ABCC3: variants seen among roughly 807,000 people sequenced by gnomAD.
The protein encoded by ABCC3 is ATP-binding cassette sub-family C member 3.
ABCC3 carries 121 observed loss-of-function variants against 165.3 expected under a neutral mutation model. The ratio of observed to expected loss-of-function variants is 0.73; its 90% CI spans 0.63 to 0.85. The LOEUF (loss-of-function observed/expected upper bound fraction) is 0.85. ABCC3 is among the 40% of genes least tolerant of loss of function. The pLI is 0.00. For missense variants in ABCC3, 1,869 were observed against 1,964.1 expected (o/e 0.95, Z 0.92); for synonymous variants, 733 against 810.1 (o/e 0.90, Z 1.62).
intron 8 of ABCC3, chr17:50,663,478 C>T (rs562875730): frequency 4.0e-5 from 24 of 605,728 alleles, no homozygotes; most frequent in African/African-American, 9.3e-5. Context: ...GGATAGAGAA[C>T]GAGGTGAAGG....
intron 1 of ABCC3, among the ~76,000 whole-genome samples, chr17:50,654,171 T>G (rs1401001884): frequency 6.6e-6 from 1 of 152,134 alleles, no homozygotes; most frequent in African/African-American, 2.4e-5. Flanking sequence ...ATAAAAATAA[T>G]AATTATTTGA....
chr17:50,646,248 C>T (rs947066392), intron 1 of ABCC3, among the ~76,000 whole-genome samples: 14 of 152,068 alleles, frequency 9.2e-5, no homozygotes, highest in African/African-American at 3.4e-4. Flanking sequence ...GAGAGAAGAG[C>T]AAGTGCAAAG....
chr17:50,689,610 G>A (rs997708580), intron 30 of ABCC3, among the ~76,000 whole-genome samples: 3 of 152,222 alleles, frequency 2.0e-5, no homozygotes, highest in Non-Finnish European at 4.4e-5. Context: ...AGGGCAATGG[G>A]TCAGACCTTG....
At chr17:50,673,960 C>G (rs1967717029) in intron 19 of ABCC3, among the ~76,000 whole-genome samples, 2 of 21,360 alleles carry the variant, frequency 9.4e-5, no homozygotes, top group South Asian at 3.5e-3. Context: ...TTCTTTCTTT[C>G]TTTCTTTCTT....
chr17:50,642,712 C>T (rs1297092253), intron 1 of ABCC3, among the ~76,000 whole-genome samples: 2 of 152,216 alleles, frequency 1.3e-5, no homozygotes, highest in Non-Finnish European at 2.9e-5. Context: ...CCTGGATTCT[C>T]CGCATCGGGG....
In ABCC3 at chr17:50,667,771, C is replaced by T. The variant is rs761327341; in HGVS notation, c.1635+14C>T. ...AGCCCCTTCCTGGTGAGGCTTGGCACAGGGCTGGGTCCCTGCCTCCAGGGC... is the reference window on the plus strand; with the variant it reads ...AGCCCCTTCCTGGTGAGGCTTGGCATAGGGCTGGGTCCCTGCCTCCAGGGC... On this transcript the variant is annotated intron_variant, in intron 12 of 30. Transcript: ENST00000285238. 1.9e-6 allele frequency: 3 copies of T among 1,614,008 alleles called. No individual in the cohort carries two copies. The highest frequency in any genetic ancestry group is 8.5e-7 in the Non-Finnish European group (1 of 1,180,032).
chr17:50,651,178 C>A (rs1597842753), intron 1 of ABCC3, among the ~76,000 whole-genome samples: 2 of 151,020 alleles, frequency 1.3e-5, no homozygotes, highest in East Asian at 3.9e-4. Flanking sequence ...ATTGGTAAAT[C>A]TATGAACCAT....
intron 2 of ABCC3, 119 bp downstream of exon 2, chr17:50,656,127 C>T (rs1289613184): frequency 2.2e-5 from 20 of 897,266 alleles, no homozygotes; most frequent in Non-Finnish European, 2.9e-5. Context: ...ACTCTGTCGC[C>T]CAGGCTGGAG....
At chr17:50,671,702 CTTTTTTTTTTTTTTT>C (rs386386244) in intron 17 of ABCC3, among the ~76,000 whole-genome samples, 16 of 56,398 alleles carry the variant, frequency 2.8e-4, no homozygotes, top group Middle Eastern at 0.019. Flanking sequence ...TCCTTCCTTC[CTTTTTTTTTTTTTTT>C]TTTTTTTTTT....
chr17:50,656,580 C>A (rs956087722), intron 2 of ABCC3, 122 bp from the exon 3 acceptor site: 97 of 1,365,550 alleles, frequency 7.1e-5, no homozygotes, highest in Non-Finnish European at 9.0e-5. Flanking sequence ...CATTCCCAGA[C>A]CTCAGTGCCA....
chr17:50,668,167 A>G (rs1484614708), intron 13 of ABCC3, among the ~76,000 whole-genome samples, 158 bp downstream of exon 13: 1 of 152,120 alleles, frequency 6.6e-6, no homozygotes, highest in African/African-American at 2.4e-5. Context: ...TGAGGTCATT[A>G]AGGTCAGGGG....
rs1401737608 is a variant in ABCC3 at position 50,690,976 on chromosome 17, T to C, written c.4476-116T>C. The C allele has an allele frequency of 4.2e-6, 3 of 710,310 alleles. No homozygotes were observed. The East Asian group carries it at 8.1e-5, about 19-fold the overall frequency. 44.0% of individuals were successfully genotyped at this position (710,310 alleles called of 1,614,324 possible). On this transcript the variant is annotated intron_variant, in intron 30 of 30. Transcript: ENST00000285238. ...GTGCACATGTGGTGCGGTGGCTGTG[T>C]TGGGTGGGTTGGCATGTCACTGTGG...
chr17:50,665,745 A>G (rs557138215), intron 11 of ABCC3, among the ~76,000 whole-genome samples: 219 of 151,536 alleles, frequency 1.4e-3, no homozygotes, highest in African/African-American at 5.2e-3. Context: ...AGCTGGGACT[A>G]CAGGCACATG....
At chr17:50,646,455 G>A (rs747333577) in intron 1 of ABCC3, among the ~76,000 whole-genome samples, 1 of 152,184 alleles carries the variant, frequency 6.6e-6, no homozygotes, top group Non-Finnish European at 1.5e-5. Context: ...GGGGAGCAAT[G>A]AGCTGGAGAG....
intron 26 of ABCC3, among the ~76,000 whole-genome samples, chr17:50,681,502 C>A (rs1347876791): frequency 6.6e-6 from 1 of 152,152 alleles, no homozygotes; most frequent in Non-Finnish European, 1.5e-5. Flanking sequence ...CGCTTCCCAT[C>A]CACATGCAAA....
Position 50,664,039 on chromosome 17 carries a change from C to G in ABCC3, c.1266C>G (p.Asp422Glu). 1 of 1,614,186 alleles carries G rather than the reference C, an allele frequency of 6.2e-7. No homozygotes were observed. The highest frequency in any genetic ancestry group is 8.5e-7 in the Non-Finnish European group (1 of 1,180,030). Residue 422 changes from aspartate (D) to glutamate (E), a missense_variant, in exon 10 of 31, where the codon GAC (aspartate) becomes GAG (glutamate). Asp to Glu is a conservative substitution (Grantham distance 45). Transcript: ENST00000285238. ...CAGTGGATGCCCAGCGCTTCATGGA[C>G]CTTGCCCCCTTCCTCAATCTGCTGT... ...LMSVDAQRFM[D>E]LAPFLNLLWS...
At chr17:50,672,913 G>A in intron 17 of ABCC3, 58 bp from the exon 18 acceptor site, 1 of 1,521,636 alleles carries the variant, frequency 6.6e-7, no homozygotes, top group South Asian at 1.2e-5. Flanking sequence ...CAGTGGACAG[G>A]CCGTTGTCTC....
At chr17:50,662,567 G>T (rs1967415627) in intron 8 of ABCC3, among the ~76,000 whole-genome samples, 1 of 150,590 alleles carries the variant, frequency 6.6e-6, no homozygotes, top group Non-Finnish European at 1.5e-5. Context: ...GAGCCTGAGA[G>T]GTTGAGGCTG....
chr17:50,635,829 G>A lies in ABCC3; in HGVS notation c.45+848G>A, dbSNP rs2054174439. On this transcript the variant is annotated intron_variant, in intron 1 of 30. Transcript: ENST00000285238. Reference sequence around the variant, plus strand: ...GCCCAGGAGTTTTAGATTACTGTGAGCTATGATCGCACCACTGCACTGTGG... The same window carrying A: ...GCCCAGGAGTTTTAGATTACTGTGAACTATGATCGCACCACTGCACTGTGG... The A allele has an allele frequency of 7.6e-6, 4 of 528,920 alleles. No individual in the cohort carries two copies. The East Asian group carries it at 9.4e-5, about 12-fold the overall frequency. 32.8% of individuals were successfully genotyped at this position (528,920 alleles called of 1,614,324 possible).
Sources: allele counts gnomAD v4.1 joint callset (sites outside exome capture counted in the v4.1 genomes callset), GRCh38; gene constraint gnomAD v4.1.1; transcripts MANE v1.5; gene names NCBI Gene and HGNC (gene_info 2026-07-23, HGNC 2026-07-21).